EIF2AK4: variants seen among roughly 807,000 people sequenced by gnomAD.
The protein encoded by EIF2AK4 is eukaryotic translation initiation factor 2 alpha kinase 4, also known as eIF-2-alpha kinase GCN2.
EIF2AK4 carries 139 observed loss-of-function variants against 211.1 expected under a neutral mutation model. That is an observed-to-expected ratio of 0.66 (90% CI 0.57 to 0.76). EIF2AK4 has a LOEUF of 0.76. Ranked by LOEUF, EIF2AK4 falls within the 30% of genes least tolerant of loss-of-function variation. The pLI is 0.00. For missense variants in EIF2AK4, 1,664 were observed against 2,043.8 expected (o/e 0.81, Z 3.58); for synonymous variants, 710 against 751.3 (o/e 0.94, Z 0.90).
intron 9 of EIF2AK4, 61 bp from the exon 10 acceptor site, chr15:39,972,847 G>A: frequency 7.5e-7 from 1 of 1,326,980 alleles, no homozygotes; most frequent in Non-Finnish European, 1.1e-6. Context: ...TAATGCCTTG[G>A]ATTAACTAGT....
intron 13 of EIF2AK4, among the ~76,000 whole-genome samples, chr15:39,980,839 C>T (rs935757527): frequency 6.6e-6 from 1 of 152,124 alleles, no homozygotes; most frequent in Non-Finnish European, 1.5e-5. Context: ...TAGGTGTGAG[C>T]CACCATGCCT....
At chr15:39,973,883 C>T in intron 11 of EIF2AK4, 134 bp downstream of exon 11, 2 of 949,826 alleles carry the variant, frequency 2.1e-6, no homozygotes, top group Non-Finnish European at 1.6e-6. Context: ...TATGCTCATC[C>T]TCACCTTCCT....
intron 9 of EIF2AK4, among the ~76,000 whole-genome samples, chr15:39,971,080 A>G (rs2034617920): frequency 1.3e-5 from 2 of 152,328 alleles, no homozygotes; most frequent in South Asian, 4.1e-4. Flanking sequence ...AAGTCGTACT[A>G]CTTGGGCCGT....
chr15:39,934,327 C>G lies in EIF2AK4; in HGVS notation c.132C>G (p.Asp44Glu), dbSNP rs761154197. 1.2e-6 allele frequency: 2 copies of G among 1,609,350 alleles called. No individual in the cohort carries two copies. The highest frequency in any genetic ancestry group is 1.1e-5 in the South Asian group (1 of 90,236). ...YGADFQDLRP[D>E]ACGPVKEPPE... is the part of the protein sequence containing the mutation. Reference sequence around the variant, plus strand: ...CGGACTTCCAAGACCTGCGGCCGGACGCTTGCGGACCGGTAGGAACGTGGC... The same window carrying G: ...CGGACTTCCAAGACCTGCGGCCGGAGGCTTGCGGACCGGTAGGAACGTGGC... Residue 44 changes from aspartate (D) to glutamate (E), a missense_variant, in exon 1 of 39, where the codon GAC becomes GAG. This residue lies in a region of EIF2AK4 where 641 missense variants were observed against 729.6 expected (regional missense o/e 0.88). Transcript: ENST00000263791.
chr15:39,998,038 C>T (rs749517848), intron 19 of EIF2AK4, among the ~76,000 whole-genome samples: 6 of 152,174 alleles, frequency 3.9e-5, no homozygotes, highest in Non-Finnish European at 8.8e-5. Flanking sequence ...AATTATTTTA[C>T]TGTGAGTACA....
chr15:40,015,242 C>T (rs536967646), intron 27 of EIF2AK4, among the ~76,000 whole-genome samples: 6 of 152,264 alleles, frequency 3.9e-5, no homozygotes, highest in African/African-American at 1.4e-4. Flanking sequence ...CCAACTCTAC[C>T]GGTACCAATT....
chr15:40,025,893 T>C (rs2035460024), intron 32 of EIF2AK4, 84 bp from the exon 33 acceptor site: 1 of 1,298,622 alleles, frequency 7.7e-7, no homozygotes, highest in African/African-American at 1.5e-5. Context: ...AAACTATTGA[T>C]TTAGTAGTCT....
chr15:40,034,252 C>T, intron 37 of EIF2AK4, 74 bp from the exon 38 acceptor site: 1 of 1,126,706 alleles, frequency 8.9e-7, no homozygotes, highest in Non-Finnish European at 1.3e-6. Context: ...ACTGGAATTT[C>T]ATTAGTGACC....
At chr15:39,964,135 G>A (rs2034510836) in intron 7 of EIF2AK4, among the ~76,000 whole-genome samples, 1 of 152,114 alleles carries the variant, frequency 6.6e-6, no homozygotes, top group Non-Finnish European at 1.5e-5. Context: ...TAAATTATCA[G>A]CATTCCCATG....
rs2035404876 is a variant in EIF2AK4, at chr15:40,022,512, G to A, written c.4303-7G>A. ...TTTATTTTCTTTACTATGTTTGTTTGTTTCAGTCCCAAGAGGAATTACAAG... is the reference window on the plus strand; with the variant it reads ...TTTATTTTCTTTACTATGTTTGTTTATTTCAGTCCCAAGAGGAATTACAAG... On this transcript the variant is annotated splice_region_variant and splice_polypyrimidine_tract_variant and intron_variant, in intron 31 of 38. Coordinates refer to ENST00000263791, the MANE Select transcript of EIF2AK4 (RefSeq NM_001013703.4). The A allele has an allele frequency of 6.2e-7, 1 of 1,612,322 alleles. No homozygotes were observed. The highest frequency in any genetic ancestry group is 1.3e-5 in the African/African-American group (1 of 74,926).
In EIF2AK4 at chr15:39,955,634, T is replaced by C. The variant is rs56302914; in HGVS notation, c.609T>C (p.Ile203=). ...KEMAKQERLE[I]ASLSNQDHTS... ...TCTTGTTCTAGGAACGTTTGGAAAT[T>C]GCTAGTTTGTCAAACCAAGATCATA... The change falls in exon 6 of 39, where the codon ATT becomes ATC. Residue 203 remains isoleucine (I), a synonymous_variant. Transcript: ENST00000263791. The C allele has an allele frequency of 2.2e-5, 35 of 1,607,442 alleles. No individual in the cohort carries two copies. The East Asian group carries it at 7.8e-4, about 36-fold the overall frequency.
chr15:40,035,186 G>A lies in EIF2AK4; in HGVS notation c.*102G>A. The A allele has an allele frequency of 1.0e-6, 1 of 984,878 alleles. No individual in the cohort carries two copies. The highest frequency in any genetic ancestry group is 1.4e-6 in the Non-Finnish European group (1 of 706,280). The allele number at this position is 984,878 out of a possible 1,614,324, so 61.0% of individuals were successfully genotyped here. Reference sequence around the variant, plus strand: ...ATAATTTAAAATTAAATTCTAAGAAGAGGCTGGGTGCAGTGGCTCACACCT... The same window carrying A: ...ATAATTTAAAATTAAATTCTAAGAAAAGGCTGGGTGCAGTGGCTCACACCT... On this transcript the variant is annotated 3_prime_UTR_variant, in exon 39 of 39. Transcript: ENST00000263791.
chr15:39,956,261 C>T (rs899909828), intron 6 of EIF2AK4, among the ~76,000 whole-genome samples: 1 of 152,168 alleles, frequency 6.6e-6, no homozygotes, highest in Admixed American at 6.5e-5. Flanking sequence ...GCCTCGGCCT[C>T]CCAAAATGCT....
intron 25 of EIF2AK4, among the ~76,000 whole-genome samples, 168 bp from the exon 26 acceptor site, chr15:40,009,446 A>G (rs2035207574): frequency 6.6e-6 from 1 of 152,062 alleles, no homozygotes; most frequent in South Asian, 2.1e-4. Flanking sequence ...TACTCTGACT[A>G]TAACAGTGCA....
intron 9 of EIF2AK4, among the ~76,000 whole-genome samples, chr15:39,970,559 A>G (rs550344070): frequency 3.3e-5 from 5 of 152,362 alleles, no homozygotes; most frequent in Admixed American, 1.3e-4. Flanking sequence ...TGGCTTAGAA[A>G]GAGCTCCAAG....
intron 9 of EIF2AK4, among the ~76,000 whole-genome samples, chr15:39,971,261 C>T (rs569323192): frequency 1.1e-4 from 17 of 152,312 alleles, no homozygotes; most frequent in African/African-American, 4.1e-4. Flanking sequence ...TGATACCTCA[C>T]ACCTGTAATC....
chr15:39,975,340 A>G (rs969853553), intron 11 of EIF2AK4: 2 of 152,174 alleles, frequency 1.3e-5, no homozygotes, highest in African/African-American at 4.8e-5. Flanking sequence ...GATAATCTGA[A>G]ACTCAATTTT....
chr15:39,994,517 G>A (rs930634873), intron 18 of EIF2AK4, among the ~76,000 whole-genome samples: 2 of 152,202 alleles, frequency 1.3e-5, no homozygotes, highest in African/African-American at 4.8e-5. Context: ...GCTGAGGTGG[G>A]AGGACTGCTT....
At chr15:39,956,934 G>A (rs1192659538) in intron 6 of EIF2AK4, among the ~76,000 whole-genome samples, 1 of 152,162 alleles carries the variant, frequency 6.6e-6, no homozygotes, top group Non-Finnish European at 1.5e-5. Flanking sequence ...TAAAAAAACA[G>A]TTCAGAAATC....
Sources: allele counts gnomAD v4.1 joint callset (sites outside exome capture counted in the v4.1 genomes callset), GRCh38; gene constraint gnomAD v4.1.1; regional missense constraint gnomAD v4.1.1; transcripts MANE v1.5; gene names NCBI Gene and HGNC (gene_info 2026-07-23, HGNC 2026-07-21).